Variants in FLNB observed in about 807,000 individuals in gnomAD.
The protein encoded by FLNB is filamin B.
Under a neutral mutation model 250.6 loss-of-function variants are expected in FLNB, and 111 were observed. That is an observed-to-expected ratio of 0.44 (90% CI 0.38 to 0.52). FLNB has a LOEUF of 0.52. Ranked by LOEUF, FLNB falls within the 20% of genes least tolerant of loss-of-function variation. The pLI, the probability that FLNB is intolerant of heterozygous loss-of-function variation, is 0.00. For synonymous variants in FLNB, 1,302 were observed against 1,372.1 expected (o/e 0.95, Z 1.13); for missense variants, 2,869 against 3,447.8 (o/e 0.83, Z 4.20).
At chr3:58,103,316 G>A (rs756987075) in intron 9 of FLNB, among the ~76,000 whole-genome samples, 34 of 151,682 alleles carry the variant, frequency 2.2e-4, no homozygotes, top group South Asian at 2.1e-4. Context: ...ATGCCTCTGC[G>A]TATGTGTGCG....
intron 24 of FLNB, among the ~76,000 whole-genome samples, chr3:58,128,519 T>C (rs2097301496): frequency 6.6e-6 from 1 of 152,130 alleles, no homozygotes; most frequent in African/African-American, 2.4e-5. Context: ...TGATGACTGC[T>C]ATGAAGAATG....
chr3:58,017,512 C>G (rs1312982215), intron 1 of FLNB, among the ~76,000 whole-genome samples: 1 of 152,152 alleles, frequency 6.6e-6, no homozygotes, highest in Non-Finnish European at 1.5e-5. Context: ...TTTGGCCTCT[C>G]AAAGTGCTGG....
chr3:58,016,217 G>A (rs1559637202), intron 1 of FLNB, among the ~76,000 whole-genome samples: 1 of 151,944 alleles, frequency 6.6e-6, no homozygotes, highest in Non-Finnish European at 1.5e-5. Flanking sequence ...GTGCACACCT[G>A]GCTAATTTTG....
At chr3:58,062,266 T>A (rs912045788) in intron 1 of FLNB, among the ~76,000 whole-genome samples, 1 of 152,194 alleles carries the variant, frequency 6.6e-6, no homozygotes, top group Non-Finnish European at 1.5e-5. Context: ...AAAAACAGGA[T>A]TGTACAATTC....
rs544452285 is a variant in FLNB, at chr3:58,097,395, C to T, written c.985-420C>T. Among the ~76,000 whole-genome samples, 3 of 152,210 alleles carry T rather than the reference C, an allele frequency of 2.0e-5. No homozygotes were observed. In the East Asian group the frequency reaches 5.8e-4, roughly 29 times the overall value. ...AGATGGAAATCATTCTACTTTGTCC[C>T]AAATCCATGTATCTAAGAATGATTT... On this transcript the variant is annotated intron_variant, in intron 6 of 45. Coordinates refer to ENST00000295956, the MANE Select transcript of FLNB (RefSeq NM_001457.4).
chr3:58,019,102 A>G (rs2097110058), intron 1 of FLNB, among the ~76,000 whole-genome samples: 1 of 152,046 alleles, frequency 6.6e-6, no homozygotes, highest in South Asian at 2.1e-4. Context: ...GCGTCACTGC[A>G]CTCTAGCCTG....
intron 3 of FLNB, among the ~76,000 whole-genome samples, chr3:58,079,445 G>T (rs974894533): frequency 1.3e-5 from 2 of 152,176 alleles, no homozygotes; most frequent in East Asian, 1.9e-4. Flanking sequence ...TAGAGACAGG[G>T]TTTTACCATG....
At chr3:58,036,466 TG>T (rs1005852737) in intron 1 of FLNB, among the ~76,000 whole-genome samples, 1 of 152,026 alleles carries the variant, frequency 6.6e-6, no homozygotes, top group Non-Finnish European at 1.5e-5. Flanking sequence ...GACGTTTTCT[TG>T]CTGTCTTCTG....
chr3:58,072,604 A>C (rs2097196261), intron 1 of FLNB, among the ~76,000 whole-genome samples: 1 of 152,186 alleles, frequency 6.6e-6, no homozygotes, highest in African/African-American at 2.4e-5. Flanking sequence ...TCTTTGGGCA[A>C]GTCGCCATCT....
chr3:58,111,926 G>C (rs371294032), intron 17 of FLNB, 45 bp downstream of exon 17: 6 of 1,484,212 alleles, frequency 4.0e-6, no homozygotes, highest in Non-Finnish European at 5.6e-6. Flanking sequence ...CTGCCAGCCG[G>C]TGGCACTGGG....
Position 58,130,757 on chromosome 3 carries a change from TC to T in FLNB, c.4241del (p.Pro1414LeufsTer2), listed in dbSNP as rs1390072587. 6.2e-7 allele frequency: 1 copy of T among 1,613,692 alleles called. No individual in the cohort carries two copies. The highest frequency in any genetic ancestry group is 2.2e-5 in the East Asian group (1 of 44,872). ...AHIPGSPFRV[P>X]VKDVVDPSKV... ...CTCTTCCAGGCAGCCCCTTCAGGGT[TC>T]CTGTGAAGGATGTTGTGGACCCCAG... On this transcript the variant is annotated frameshift_variant, in exon 25 of 46. Transcript: ENST00000295956. LOFTEE classifies it high-confidence loss of function.
chr3:58,036,451 G>C (rs2097138239), intron 1 of FLNB, among the ~76,000 whole-genome samples: 1 of 152,134 alleles, frequency 6.6e-6, no homozygotes, highest in South Asian at 2.1e-4. Flanking sequence ...ACAGGGGGTC[G>C]AAGTGACGTT....
chr3:58,103,114 G>C (rs2097253718), intron 9 of FLNB, among the ~76,000 whole-genome samples: 1 of 152,164 alleles, frequency 6.6e-6, no homozygotes, highest in South Asian at 2.1e-4. Context: ...AGCATTCTGA[G>C]CTCCAGAAAG....
intron 32 of FLNB, among the ~76,000 whole-genome samples, chr3:58,144,532 C>G (rs1437572681): frequency 6.6e-6 from 1 of 152,224 alleles, no homozygotes; most frequent in Non-Finnish European, 1.5e-5. Flanking sequence ...GTTCTTCCTG[C>G]CCTCGCTGTC....
intron 18 of FLNB, among the ~76,000 whole-genome samples, chr3:58,115,011 G>A (rs1030249773): frequency 3.3e-5 from 5 of 152,004 alleles, no homozygotes; most frequent in African/African-American, 4.8e-5. Flanking sequence ...TTTTCACGCC[G>A]TTAACAGTTC....
chr3:58,029,506 C>CTTTT (rs548364805), intron 1 of FLNB, among the ~76,000 whole-genome samples: 1 of 136,504 alleles, frequency 7.3e-6, no homozygotes, highest in African/African-American at 2.7e-5. Context: ...AATGAGAATT[C>CTTTT]TTTTTTTTTT....
Position 58,112,195 on chromosome 3 carries a change from G to A in FLNB, c.2622G>A (p.Gly874=), listed in dbSNP as rs369019485. 1 of 1,614,062 alleles carries A rather than the reference G, an allele frequency of 6.2e-7. No individual in the cohort carries two copies. Among genetic ancestry groups the A allele is most frequent in the Non-Finnish European group, 8.5e-7 (1 of 1,180,042 alleles). ...CCCACTTCACTGTCTACACCAAGGG[G>A]GCTGGGAAAGCCCCGCTCAACGTGC... is the stretch of plus-strand genomic sequence containing the variant. ...KPTHFTVYTK[G]AGKAPLNVQF... Residue 874 remains glycine (G), a synonymous_variant, in exon 18 of 46, where the codon GGG becomes GGA. Coordinates refer to ENST00000295956, the MANE Select transcript of FLNB (RefSeq NM_001457.4).
At chr3:58,136,209 CA>C in intron 28 of FLNB, 41 bp downstream of exon 28, 1 of 1,601,016 alleles carries the variant, frequency 6.2e-7, no homozygotes, top group Non-Finnish European at 8.6e-7. Flanking sequence ...ACAGGCTTTG[CA>C]ATCAGAAAGC....
At chr3:58,103,924 T>C in intron 9 of FLNB, 35 bp from the exon 10 acceptor site, 1 of 1,613,168 alleles carries the variant, frequency 6.2e-7, no homozygotes, top group Non-Finnish European at 8.5e-7. Context: ...GGGCCTAGGA[T>C]TGTGTTGGAA....
Sources: gnomAD v4.1 joint callset for allele counts (sites outside exome capture counted in the v4.1 genomes callset) on GRCh38, gnomAD v4.1.1 for gene constraint, MANE v1.5 for transcripts, NCBI Gene and HGNC (gene_info 2026-07-23, HGNC 2026-07-21) for gene names.